The following EYA1 variants were observed in gnomAD, a reference collection of about 807,000 sequenced individuals.
EYA1 encodes EYA transcriptional coactivator and phosphatase 1.
Under a neutral mutation model 82.0 loss-of-function variants are expected in EYA1, and 16 were observed. The observed-to-expected ratio is 0.20, with a 90% CI of 0.13 to 0.30. EYA1 has a LOEUF of 0.30. EYA1 is among the 10% of genes least tolerant of loss of function. The probability of loss-of-function intolerance (pLI) is 1.00; values close to 1 mark genes in which losing one functional copy is unlikely to be tolerated. For synonymous variants in EYA1, 261 were observed against 264.4 expected (o/e 0.99, Z 0.12); for missense variants, 633 against 730.7 (o/e 0.87, Z 1.54).
At chr8:71,395,604 G>C (rs982717785) in intron 2 of EYA1, among the ~76,000 whole-genome samples, 5 of 152,018 alleles carry the variant, frequency 3.3e-5, no homozygotes, top group African/African-American at 9.7e-5. Flanking sequence ...TTCTTGATTT[G>C]CATATGTTGA....
intron 4 of EYA1, among the ~76,000 whole-genome samples, chr8:71,331,247 C>A (rs1427608788): frequency 5.1e-4 from 13 of 25,474 alleles, no homozygotes; most frequent in Admixed American, 2.7e-3. Flanking sequence ...TAAATAAATA[C>A]ACACACACAC....
chr8:71,473,937 A>G (rs1392547093), intron 2 of EYA1, among the ~76,000 whole-genome samples: 3 of 152,132 alleles, frequency 2.0e-5, no homozygotes, highest in Non-Finnish European at 4.4e-5. Context: ...TTCTCAGCAA[A>G]CTAAAACAGG....
At chr8:71,433,060 T>C (rs970937229) in intron 2 of EYA1, among the ~76,000 whole-genome samples, 2 of 152,220 alleles carry the variant, frequency 1.3e-5, no homozygotes, top group Non-Finnish European at 2.9e-5. Flanking sequence ...AGGCTACTAC[T>C]AGGATGCCTC....
chr8:71,479,564 G>A (rs752206374), intron 2 of EYA1, among the ~76,000 whole-genome samples: 6 of 146,468 alleles, frequency 4.1e-5, no homozygotes, highest in Non-Finnish European at 7.4e-5. Flanking sequence ...AGTACCTGCT[G>A]CATAAACACT....
At chr8:71,482,980 T>C (rs1011840684) in intron 2 of EYA1, among the ~76,000 whole-genome samples, 3 of 152,116 alleles carry the variant, frequency 2.0e-5, no homozygotes, top group Non-Finnish European at 2.9e-5. Flanking sequence ...AAATGTATGC[T>C]CCTACCATGA....
intron 1 of EYA1, among the ~76,000 whole-genome samples, chr8:71,542,486 C>A (rs1420600374): frequency 6.6e-6 from 1 of 152,150 alleles, no homozygotes; most frequent in Admixed American, 6.5e-5. Context: ...ATGTTGATTT[C>A]ATGTCTTTGC....
chr8:71,482,204 A>G (rs947617919), intron 2 of EYA1, among the ~76,000 whole-genome samples: 3 of 152,238 alleles, frequency 2.0e-5, no homozygotes, highest in Non-Finnish European at 4.4e-5. Flanking sequence ...CAAAAACAAA[A>G]AGACAATCCA....
chr8:71,378,797 A>T (rs992126341), intron 2 of EYA1, among the ~76,000 whole-genome samples: 1 of 152,226 alleles, frequency 6.6e-6, no homozygotes, highest in Non-Finnish European at 1.5e-5. Flanking sequence ...CACAATTTCA[A>T]ATGGCTAAAA....
intron 1 of EYA1, among the ~76,000 whole-genome samples, chr8:71,543,425 A>G (rs556824188): frequency 8.5e-5 from 13 of 152,308 alleles, no homozygotes; most frequent in African/African-American, 2.9e-4. Context: ...TAAGCTTAAC[A>G]AAGTTGAGTT....
intron 17 of EYA1, among the ~76,000 whole-genome samples, chr8:71,202,132 A>G (rs756449233): frequency 9.2e-5 from 14 of 152,170 alleles, no homozygotes; most frequent in Non-Finnish European, 1.8e-4. Flanking sequence ...CTGAGGTTCC[A>G]TATGTTCCCC....
chr8:71,207,897 A>G (rs1225562503), intron 17 of EYA1, among the ~76,000 whole-genome samples: 2 of 152,088 alleles, frequency 1.3e-5, no homozygotes, highest in Admixed American at 1.3e-4. Flanking sequence ...TGTACACCTT[A>G]TAATTTATTC....
chr8:71,339,847 T>TC (rs1586448567), intron 3 of EYA1, among the ~76,000 whole-genome samples: 1 of 152,164 alleles, frequency 6.6e-6, no homozygotes, highest in Non-Finnish European at 1.5e-5. Context: ...AGTTCTCTTC[T>TC]CCCCCATGTA....
upstream of EYA1, among the ~76,000 whole-genome samples, chr8:71,362,545 G>A (rs971254175): frequency 2.0e-5 from 3 of 152,004 alleles, no homozygotes; most frequent in Non-Finnish European, 2.9e-5. Flanking sequence ...AGGTCTGGGG[G>A]AAATAAAAAA....
intron 4 of EYA1, among the ~76,000 whole-genome samples, chr8:71,325,180 G>A (rs571573161): frequency 6.6e-6 from 1 of 152,062 alleles, no homozygotes; most frequent in Non-Finnish European, 1.5e-5. Context: ...CCCATCCATG[G>A]CATGTACTTT....
chr8:71,229,527 A>G (rs1396905138), intron 12 of EYA1, among the ~76,000 whole-genome samples: 1 of 152,206 alleles, frequency 6.6e-6, no homozygotes, highest in African/African-American at 2.4e-5. Context: ...CATAGATATC[A>G]TGGACTGAAA....
chr8:71,545,558 C>CTTTT (rs34093503), intron 1 of EYA1, among the ~76,000 whole-genome samples: 17 of 100,350 alleles, frequency 1.7e-4, no homozygotes, highest in East Asian at 3.2e-4. Flanking sequence ...TATTTTGTTC[C>CTTTT]TTTTTTTTTT....
chr8:71,199,729 G>C (rs1290930099), intron 17 of EYA1, among the ~76,000 whole-genome samples: 1 of 152,192 alleles, frequency 6.6e-6, no homozygotes, highest in Non-Finnish European at 1.5e-5. Context: ...TGCCAAATAT[G>C]GCAGCTGTTC....
At position 71,215,732 on chromosome 8, in the gene EYA1, A is replaced by G; in HGVS notation, c.1361-4T>C. On this transcript the variant is annotated splice_region_variant and splice_polypyrimidine_tract_variant and intron_variant, in intron 14 of 17. Coordinates refer to ENST00000340726, the MANE Select transcript of EYA1 (RefSeq NM_000503.6). ...CTCTTAGCTGGACCAAGCAGACCTG[A>G]GGATTTAAAAGCACATGATGAACTA... 2 of 1,599,700 alleles carry G rather than the reference A, an allele frequency of 1.3e-6. No homozygotes were observed. The highest frequency in any genetic ancestry group is 1.7e-6 in the Non-Finnish European group (2 of 1,166,902).
intron 3 of EYA1, among the ~76,000 whole-genome samples, chr8:71,339,686 T>C (rs2129052171): frequency 6.6e-6 from 1 of 152,306 alleles, no homozygotes; most frequent in African/African-American, 2.4e-5. Flanking sequence ...GAAAGTTTCC[T>C]TTCCTTGAGC....
Sources: gnomAD v4.1 joint callset for allele counts (sites outside exome capture counted in the v4.1 genomes callset) on GRCh38, gnomAD v4.1.1 for gene constraint, MANE v1.5 for transcripts, NCBI Gene and HGNC (gene_info 2026-07-23, HGNC 2026-07-21) for gene names.